PHF11: variants seen among roughly 807,000 people sequenced by gnomAD.
The protein encoded by PHF11 is PHD finger protein 11.
Under a neutral mutation model 40.5 loss-of-function variants are expected in PHF11, and 38 were observed. The ratio of observed to expected loss-of-function variants is 0.94; its 90% CI spans 0.72 to 1.23. The LOEUF (loss-of-function observed/expected upper bound fraction) is 1.23. PHF11 is among the 50% of genes most tolerant of loss of function. The pLI is 0.00. For synonymous variants in PHF11, 127 were observed against 138.2 expected (o/e 0.92, Z 0.57); for missense variants, 369 against 392.4 (o/e 0.94, Z 0.50).
intron 5 of PHF11, 179 bp from the exon 6 acceptor site, chr13:49,521,864 C>CTT (rs1959189438): frequency 2.5e-6 from 1 of 394,174 alleles, no homozygotes; most frequent in Non-Finnish European, 4.7e-6. Context: ...TTGCATTAAA[C>CTT]TTATAATATC....
At chr13:49,516,650 C>G (rs189849220) in intron 3 of PHF11, among the ~76,000 whole-genome samples, 2 of 151,896 alleles carry the variant, frequency 1.3e-5, no homozygotes, top group Admixed American at 6.6e-5. Flanking sequence ...GGAGTGCAAT[C>G]ACAGCTCACC....
chr13:49,513,000 G>C, intron 2 of PHF11, 59 bp from the exon 3 acceptor site: 1 of 830,498 alleles, frequency 1.2e-6, no homozygotes. Context: ...ATGATTTTCT[G>C]ACATGTAGCT....
intron 1 of PHF11, among the ~76,000 whole-genome samples, chr13:49,504,958 G>C (rs1013734450): frequency 2.7e-5 from 4 of 149,832 alleles, no homozygotes; most frequent in African/African-American, 9.8e-5. Context: ...GTCCACTCAG[G>C]GTTAAATGGA....
chr13:49,496,188 G>C, intron 1 of PHF11, 93 bp downstream of exon 1: 2 of 799,526 alleles, frequency 2.5e-6, no homozygotes, highest in Non-Finnish European at 3.4e-6. Flanking sequence ...GCCGCATGGG[G>C]GCCCGACCTG....
chr13:49,527,257 T>G (rs998155073), intron 9 of PHF11: 2 of 152,152 alleles, frequency 1.3e-5, no homozygotes, highest in African/African-American at 4.8e-5. Flanking sequence ...ATGAGTCTGG[T>G]CTGACTTCTC....
intron 2 of PHF11, among the ~76,000 whole-genome samples, chr13:49,511,547 C>T (rs529991457): frequency 7.2e-5 from 11 of 152,058 alleles, no homozygotes; most frequent in Non-Finnish European, 1.6e-4. Flanking sequence ...TGACTGGTCT[C>T]GATCTCCTGA....
chr13:49,513,451 C>G (rs925885768), intron 3 of PHF11, among the ~76,000 whole-genome samples: 4 of 151,700 alleles, frequency 2.6e-5, no homozygotes, highest in African/African-American at 9.7e-5. Context: ...CTGCCTCAGC[C>G]TCCCGAGTAG....
chr13:49,521,130 T>C, intron 5 of PHF11, 190 bp downstream of exon 5: 1 of 1,290,602 alleles, frequency 7.7e-7, no homozygotes, highest in Non-Finnish European at 9.8e-7. Context: ...TTCTTCTTTA[T>C]GAACAAGACC....
At position 49,526,289 on chromosome 13, in the gene PHF11, GCT is replaced by G. The variant is rs1198800243; in HGVS notation, c.770-93_770-92del. 4.0e-6 allele frequency: 3 copies of G among 749,990 alleles called. No individual in the cohort carries two copies. The African/African-American group carries it at 5.2e-5, about 13-fold the overall frequency. 46.5% of individuals were successfully genotyped at this position (749,990 alleles called of 1,614,324 possible). A position where few individuals can be genotyped will look rare whatever the true frequency, so the allele number is the denominator to read the frequency against. On this transcript the variant is annotated intron_variant, in intron 8 of 9. Transcript: ENST00000378319. ...CATTAAAGTTCCATGGCACATGACT[GCT>G]CTCTTTCCTTTCCCCTGTTTTGGAT...
At chr13:49,499,934 G>A (rs1958877110) in intron 1 of PHF11, among the ~76,000 whole-genome samples, 2 of 152,104 alleles carry the variant, frequency 1.3e-5, no homozygotes, top group Admixed American at 6.6e-5. Context: ...CCTTGACCAC[G>A]CTTCCTGGCT....
chr13:49,502,156 C>A (rs1014732699), intron 1 of PHF11, among the ~76,000 whole-genome samples: 2 of 152,122 alleles, frequency 1.3e-5, no homozygotes, highest in Admixed American at 1.3e-4. Context: ...TAAAAATTAG[C>A]TAGATGTGGT....
intron 4 of PHF11, among the ~76,000 whole-genome samples, chr13:49,519,706 A>G (rs1342113430): frequency 1.4e-5 from 2 of 145,852 alleles, no homozygotes; most frequent in African/African-American, 5.1e-5. Context: ...AGAATTGTTG[A>G]CACTGTGGAA....
intron 1 of PHF11, among the ~76,000 whole-genome samples, chr13:49,500,215 T>A (rs1958880859): frequency 6.6e-6 from 1 of 152,146 alleles, no homozygotes; most frequent in African/African-American, 2.4e-5. Flanking sequence ...GCTCTGTGAG[T>A]CCTCAGGGTT....
intron 1 of PHF11, among the ~76,000 whole-genome samples, chr13:49,501,937 C>G (rs866990984): frequency 6.6e-6 from 1 of 151,806 alleles, no homozygotes; most frequent in Non-Finnish European, 1.5e-5. Flanking sequence ...GTGATCCACC[C>G]GCCTCGGCCT....
chr13:49,526,409 A>G lies in PHF11; in HGVS notation c.792A>G (p.Ala264=), dbSNP rs886623904. Residue 264 remains alanine, a synonymous_variant, in exon 9 of 10, where the codon GCA becomes GCG. Transcript: ENST00000378319. The stretch of plus-strand genomic sequence containing the variant: ...CAGACTATGAAGAAATCGGGAGTGC[A>G]CTTTTTGACTGTAGATTGTTCGAAG... ...SESDYEEIGS[A]LFDCRLFEDT... The G allele has an allele frequency of 6.2e-6, 10 of 1,610,668 alleles. No individual in the cohort carries two copies. The African/African-American group carries it at 1.1e-4, about 17-fold the overall frequency.
chr13:49,497,754 CT>C (rs1178660809), intron 1 of PHF11, among the ~76,000 whole-genome samples: 11 of 152,196 alleles, frequency 7.2e-5, no homozygotes, highest in Non-Finnish European at 1.3e-4. Flanking sequence ...ACCCCATGTC[CT>C]TATCTGATTT....
chr13:49,502,213 A>T (rs188834296), intron 1 of PHF11, among the ~76,000 whole-genome samples: 96 of 152,232 alleles, frequency 6.3e-4, no homozygotes, highest in Non-Finnish European at 8.7e-4. Flanking sequence ...AGGTGAGAGG[A>T]TCACTTGAGC....
At chr13:49,517,711 T>C (rs1435997805) in intron 3 of PHF11, among the ~76,000 whole-genome samples, 1 of 152,200 alleles carries the variant, frequency 6.6e-6, no homozygotes, top group Non-Finnish European at 1.5e-5. Flanking sequence ...CTCTGCTTTT[T>C]AGAAAATTCT....
chr13:49,519,212 T>C (rs1959176489), intron 4 of PHF11, among the ~76,000 whole-genome samples: 1 of 152,220 alleles, frequency 6.6e-6, no homozygotes, highest in Non-Finnish European at 1.5e-5. Flanking sequence ...TGTAAATATG[T>C]AAATTTCGTA....
Sources: allele counts gnomAD v4.1 joint callset (sites outside exome capture counted in the v4.1 genomes callset), GRCh38; gene constraint gnomAD v4.1.1; transcripts MANE v1.5; gene names NCBI Gene and HGNC (gene_info 2026-07-23, HGNC 2026-07-21).